RAB11FIP3: variants seen among roughly 807,000 people sequenced by gnomAD.
RAB11FIP3 encodes the protein rab11 family-interacting protein 3.
Under a neutral mutation model 77.8 loss-of-function variants are expected in RAB11FIP3, and 17 were observed. That is an observed-to-expected ratio of 0.22 (90% CI 0.15 to 0.33). RAB11FIP3 has a LOEUF of 0.33. Ranked by LOEUF, RAB11FIP3 falls within the 10% of genes least tolerant of loss-of-function variation. The pLI is 1.00. For synonymous variants in RAB11FIP3, 437 were observed against 448.2 expected, an observed-to-expected ratio of 0.98 and a Z score of 0.31; for missense variants, 1,005 against 1,011.2, an observed-to-expected ratio of 0.99 and a Z score of 0.08.
At chr16:482,108 A>G (rs12925031) in intron 3 of RAB11FIP3, among the ~76,000 whole-genome samples, 25 of 12,334 alleles carry the variant, frequency 2.0e-3, no homozygotes, top group Non-Finnish European at 2.5e-3. Flanking sequence ...AAGCTCCTCC[A>G]TCAGTCTCTT....
chr16:471,380 C>T lies in RAB11FIP3; in HGVS notation c.894C>T (p.Val298=). 2 of 1,610,980 alleles carry T rather than the reference C, an allele frequency of 1.2e-6. No individual in the cohort carries two copies. Among genetic ancestry groups the T allele is most frequent in the Middle Eastern group, 1.7e-4 (1 of 6,054 alleles). Reference sequence around the variant, plus strand: ...GCCCGGACGAGTTCGATGACTTCGTCACCTATGAGGCAAGTGGTTTTCACC... The same window carrying T: ...GCCCGGACGAGTTCGATGACTTCGTTACCTATGAGGCAAGTGGTTTTCACC... ...LACPDEFDDF[V]TYEANEVTDS... The change falls in exon 3 of 14, where the codon GTC becomes GTT. Residue 298 remains valine, a synonymous_variant. Coordinates refer to ENST00000262305, the MANE Select transcript of RAB11FIP3 (RefSeq NM_014700.4). This position sits in a 1 kb window ranked among gnomAD's most constrained non-coding sequence, Gnocchi z 4.4.
At chr16:434,537 C>T (rs1012152266) in intron 1 of RAB11FIP3, among the ~76,000 whole-genome samples, 3 of 152,166 alleles carry the variant, frequency 2.0e-5, no homozygotes, top group Non-Finnish European at 2.9e-5. Flanking sequence ...GGTGGTCCTC[C>T]CATCTCAGCC....
chr16:471,231 G>T lies in RAB11FIP3; in HGVS notation c.809-64G>T. On this transcript the variant is annotated intron_variant, in intron 2 of 13. Transcript: ENST00000262305. The surrounding 1 kb of genome is among the most constrained non-coding windows in gnomAD (Gnocchi z 4.4). ...CTCCTTCCCAGGGAGTCCCGAGGCC[G>T]CCAGGGGTCCCGTCACTGGGTGGCT... The T allele has an allele frequency of 1.4e-6, 2 of 1,447,736 alleles. No individual in the cohort carries two copies. Among genetic ancestry groups the T allele is most frequent in the Non-Finnish European group, 1.9e-6 (2 of 1,036,894 alleles). 89.7% of individuals were successfully genotyped at this position (1,447,736 alleles called of 1,614,324 possible). A position where few individuals can be genotyped will look rare whatever the true frequency, so the allele number is the denominator to read the frequency against.
intron 1 of RAB11FIP3, among the ~76,000 whole-genome samples, chr16:450,147 G>A (rs546094967): frequency 3.3e-5 from 5 of 152,104 alleles, no homozygotes; most frequent in African/African-American, 1.2e-4. Context: ...TTCACCATTT[G>A]ACCTGCCGAA....
rs990990871 is a variant in RAB11FIP3, at chr16:459,332, G to T, written c.715-2072G>T. Among the ~76,000 whole-genome samples the T allele has an allele frequency of 4.0e-5, 6 of 151,600 alleles. No homozygotes were observed. In the East Asian group the frequency reaches 9.6e-4, roughly 24 times the overall value. On this transcript the variant is annotated intron_variant, in intron 1 of 13. Coordinates refer to ENST00000262305, the MANE Select transcript of RAB11FIP3 (RefSeq NM_014700.4). ...GTAGAGATGGGGTTTCTCCACGTTG[G>T]TGAGGCTGGTCTCGAACTCCGGACC...
At position 514,926 on chromosome 16, in the gene RAB11FIP3, G is replaced by C. The variant is rs1452159560; in HGVS notation, c.1641-4017G>C. On this transcript the variant is annotated intron_variant, in intron 9 of 13. Coordinates refer to ENST00000262305, the MANE Select transcript of RAB11FIP3 (RefSeq NM_014700.4). This position sits in a 1 kb window ranked among gnomAD's most constrained non-coding sequence, Gnocchi z 4.6. ...TGGCCCTGGTGTGTGGTGCTTTCTA[G>C]CAGCACGTGAGCCAAGGAAGCCCAG... Among the ~76,000 whole-genome samples, 3 of 152,224 alleles carry C rather than the reference G, an allele frequency of 2.0e-5. No individual in the cohort carries two copies. The East Asian group carries it at 5.8e-4, about 29-fold the overall frequency.
In RAB11FIP3 at chr16:521,529, C is replaced by T. The variant is rs1837539425; in HGVS notation, c.*690C>T. The T allele has an allele frequency of 6.5e-6, 1 of 152,738 alleles. No homozygotes were observed. The highest frequency in any genetic ancestry group is 6.5e-5 in the Admixed American group (1 of 15,306). The allele number at this position is 152,738 out of a possible 1,614,324, so 9.5% of individuals were successfully genotyped here. On this transcript the variant is annotated 3_prime_UTR_variant, in exon 14 of 14. Coordinates refer to ENST00000262305, the MANE Select transcript of RAB11FIP3 (RefSeq NM_014700.4). ...GCTCTGGGGCCTCCAGGCCATGTGG[C>T]TGTTCCCACGGCCCAGTCCTCGCTG...
At chr16:467,541 CA>C (rs1219309097) in intron 2 of RAB11FIP3, among the ~76,000 whole-genome samples, 9 of 131,326 alleles carry the variant, frequency 6.9e-5, no homozygotes, top group African/African-American at 9.1e-5. Context: ...GGAGGAGGTG[CA>C]GGGGCCTCAG....
intron 4 of RAB11FIP3, among the ~76,000 whole-genome samples, chr16:483,730 C>G (rs2056094236): frequency 6.6e-6 from 1 of 152,016 alleles, no homozygotes; most frequent in South Asian, 2.1e-4. Context: ...AGGTCTGCTG[C>G]CTGCTGCCTG....
At chr16:516,000 G>T (rs898604051) in intron 9 of RAB11FIP3, among the ~76,000 whole-genome samples, 2 of 152,134 alleles carry the variant, frequency 1.3e-5, no homozygotes, top group Non-Finnish European at 2.9e-5. Flanking sequence ...CTGAGGCCAG[G>T]GGTCTGACCA....
intron 4 of RAB11FIP3, among the ~76,000 whole-genome samples, chr16:487,036 G>A (rs1227434625): frequency 6.6e-6 from 1 of 152,196 alleles, no homozygotes; most frequent in Non-Finnish European, 1.5e-5. Context: ...CCCTGTCACT[G>A]TGTAGGAAGG....
intron 6 of RAB11FIP3, chr16:502,728 G>T (rs2031600316): frequency 3.8e-6 from 2 of 520,416 alleles, no homozygotes; most frequent in African/African-American, 3.9e-5. Context: ...TGGGACTGAG[G>T]TCATGTTCTG....
chr16:461,293 C>T lies in RAB11FIP3; in HGVS notation c.715-111C>T, dbSNP rs2055601165. 1.6e-5 allele frequency: 12 copies of T among 728,910 alleles called. No homozygotes were observed. In the South Asian group the frequency reaches 2.4e-4, roughly 14 times the overall value. The allele number at this position is 728,910 out of a possible 1,614,324, so 45.2% of individuals were successfully genotyped here. On this transcript the variant is annotated intron_variant, in intron 1 of 13. Coordinates refer to ENST00000262305, the MANE Select transcript of RAB11FIP3 (RefSeq NM_014700.4). The surrounding 1 kb of genome is among the most constrained non-coding windows in gnomAD (Gnocchi z 4.5). ...TAATGCTCCCTCACCTCCTGCTGTG[C>T]TTCCCCGTTCCCAGCAGGCCACACA...
chr16:441,203 G>A (rs1338177445), intron 1 of RAB11FIP3, among the ~76,000 whole-genome samples: 1 of 152,162 alleles, frequency 6.6e-6, no homozygotes, highest in East Asian at 1.9e-4. Flanking sequence ...CAGCCTCGCA[G>A]AGTGCTGGGA....
chr16:431,273 T>C (rs1350457931), intron 1 of RAB11FIP3, among the ~76,000 whole-genome samples: 1 of 152,158 alleles, frequency 6.6e-6, no homozygotes, highest in Non-Finnish European at 1.5e-5. Flanking sequence ...GCTGACTGAA[T>C]TGCTGAAAGG....
In RAB11FIP3 at chr16:502,344, C is replaced by T. The variant is rs76870477; in HGVS notation, c.1302-660C>T. Among the ~76,000 whole-genome samples the T allele has an allele frequency of 0.012, 1,764 of 152,322 alleles. 81 individuals carry two copies. The East Asian group carries it at 0.15, about 13-fold the overall frequency. ...ACTCAGGACCATGAGGCTGTGTCCC[C>T]GAGCCTGGCCCGGGTAGTAACTGGC... On this transcript the variant is annotated intron_variant, in intron 6 of 13. Transcript: ENST00000262305.
chr16:447,935 T>A (rs547259726), intron 1 of RAB11FIP3, among the ~76,000 whole-genome samples: 4 of 151,960 alleles, frequency 2.6e-5, no homozygotes, highest in African/African-American at 9.6e-5. Flanking sequence ...GCACAATGAA[T>A]TGTGAAAAAT....
intron 9 of RAB11FIP3, among the ~76,000 whole-genome samples, chr16:511,770 C>T (rs1325004955): frequency 1.0e-4 from 8 of 79,588 alleles, no homozygotes; most frequent in African/African-American, 1.9e-4. Context: ...GCAGGCCAGG[C>T]AGGAGAGGTT....
At chr16:519,970 C>T (rs1450494778) in intron 11 of RAB11FIP3, 79 bp downstream of exon 11, 1 of 1,524,194 alleles carries the variant, frequency 6.6e-7, no homozygotes. Context: ...GAGACGCTAG[C>T]TCTTGGCTGT....
Sources: allele counts gnomAD v4.1 joint callset (sites outside exome capture counted in the v4.1 genomes callset), GRCh38; gene constraint gnomAD v4.1.1; non-coding constraint Gnocchi (gnomAD v3.1); transcripts MANE v1.5; gene names NCBI Gene and HGNC (gene_info 2026-07-23, HGNC 2026-07-21).